The following PPARG variants were observed in gnomAD, a reference collection of about 807,000 sequenced individuals.
The protein encoded by PPARG is peroxisome proliferator-activated receptor gamma.
A neutral mutation model predicts 39.2 loss-of-function variants in PPARG; 17 were observed. The ratio of observed to expected loss-of-function variants is 0.43; its 90% CI spans 0.30 to 0.65. PPARG has a LOEUF of 0.65. PPARG is among the 30% of genes least tolerant of loss of function. The pLI, the probability that PPARG is intolerant of heterozygous loss-of-function variation, is 0.13. For missense variants in PPARG, 406 were observed against 585.9 expected, an observed-to-expected ratio of 0.69 and a Z score of 3.17; for synonymous variants, 223 against 215.7, an observed-to-expected ratio of 1.03 and a Z score of -0.30.
chr3:12,291,514 G>C (rs1415972594), intron 1 of PPARG, among the ~76,000 whole-genome samples: 1 of 152,074 alleles, frequency 6.6e-6, no homozygotes, highest in Non-Finnish European at 1.5e-5. Context: ...GGTAGATTGG[G>C]GGAGTAATAT....
At position 12,381,380 on chromosome 3, in the gene PPARG, C is replaced by G. The variant is rs1028136694; in HGVS notation, c.279C>G (p.Tyr93Ter). ...PPYYSEKTQL[Y>*]NKPHEEPSNS... ...ATTATTCTGAGAAGACTCAGCTCTA[C>G]AATAAGCCTCATGAAGAGCCTTCCA... The change falls in exon 4 of 8, where the codon TAC becomes TAG. Residue 93 changes from tyrosine to a stop codon, truncating the protein, a stop_gained. Coordinates refer to ENST00000651735, the MANE Select transcript of PPARG (RefSeq NM_138711.6). LOFTEE classifies it high-confidence loss of function. 6.2e-7 allele frequency: 1 copy of G among 1,613,394 alleles called. No homozygotes were observed. Among genetic ancestry groups the G allele is most frequent in the Non-Finnish European group, 8.5e-7 (1 of 1,179,694 alleles).
chr3:12,390,285 TACTC>T (rs1342752197), intron 4 of PPARG, among the ~76,000 whole-genome samples: 2 of 152,186 alleles, frequency 1.3e-5, no homozygotes, highest in African/African-American at 4.8e-5. Flanking sequence ...AAAATTTTAA[TACTC>T]ACACATTGTA....
chr3:12,390,636 C>CTTTTTTTTT (rs1382187854), intron 4 of PPARG, among the ~76,000 whole-genome samples: 1 of 69,186 alleles, frequency 1.4e-5, no homozygotes, highest in Non-Finnish European at 2.6e-5. Flanking sequence ...GTATTTTCTT[C>CTTTTTTTTT]CTTTTTTTTT....
At chr3:12,414,813 G>A (rs2051003123) in intron 6 of PPARG, among the ~76,000 whole-genome samples, 2 of 152,108 alleles carry the variant, frequency 1.3e-5, no homozygotes, top group African/African-American at 2.4e-5. Flanking sequence ...AACCTGTTTG[G>A]GGGTCCTCAC....
At position 12,406,014 on chromosome 3, in the gene PPARG, T is replaced by C. The variant is rs1559527858; in HGVS notation, c.662T>C (p.Ile221Thr). Residue 221 changes from isoleucine to threonine, a missense_variant, in exon 6 of 8, where the codon ATA becomes ACA. Transcript: ENST00000651735. ...GCAAAACATTTGTATGACTCATACA[T>C]AAAGTCCTTCCCGCTGACCAAAGCA... ...ALAKHLYDSY[I>T]KSFPLTKAKA... 1 of 1,614,060 alleles carries C rather than the reference T, an allele frequency of 6.2e-7. No homozygotes were observed. Among genetic ancestry groups the C allele is most frequent in the Non-Finnish European group, 8.5e-7 (1 of 1,180,024 alleles).
At chr3:12,311,215 T>C (rs1352310697) in intron 1 of PPARG, among the ~76,000 whole-genome samples, 3 of 152,160 alleles carry the variant, frequency 2.0e-5, no homozygotes, top group African/African-American at 7.2e-5. Flanking sequence ...GAGTTCCTCC[T>C]GCCTCAGCCT....
chr3:12,309,824 T>A (rs1216348483), intron 1 of PPARG, among the ~76,000 whole-genome samples: 3 of 152,116 alleles, frequency 2.0e-5, no homozygotes, highest in Non-Finnish European at 2.9e-5. Flanking sequence ...CCATCCCAGA[T>A]GTAAAATCAT....
At chr3:12,395,233 G>A (rs760324579) in intron 5 of PPARG, among the ~76,000 whole-genome samples, 2 of 152,150 alleles carry the variant, frequency 1.3e-5, no homozygotes, top group Non-Finnish European at 2.9e-5. Context: ...CAGCTATTCC[G>A]TGTCTTACAG....
intron 2 of PPARG, among the ~76,000 whole-genome samples, chr3:12,344,160 C>CA (rs1385658934): frequency 6.6e-6 from 1 of 152,124 alleles, no homozygotes; most frequent in Admixed American, 6.5e-5. Flanking sequence ...CACGCCCAGC[C>CA]AATCTCACAG....
intron 7 of PPARG, 74 bp downstream of exon 7, chr3:12,417,228 C>T: frequency 6.9e-7 from 1 of 1,451,666 alleles, no homozygotes; most frequent in Non-Finnish European, 9.5e-7. Context: ...TTTTGGATTT[C>T]CTTAGTGTTA....
intron 2 of PPARG, among the ~76,000 whole-genome samples, chr3:12,336,502 T>A (rs903829802): frequency 1.3e-5 from 2 of 152,196 alleles, no homozygotes; most frequent in African/African-American, 2.4e-5. Flanking sequence ...TTTACATTAT[T>A]CTTGATAACT....
At chr3:12,372,218 T>C in intron 2 of PPARG, 2 of 708,164 alleles carry the variant, frequency 2.8e-6, no homozygotes, top group South Asian at 1.5e-5. Context: ...TGGCACATTA[T>C]AGGTATTCAT....
intron 2 of PPARG, among the ~76,000 whole-genome samples, chr3:12,368,325 G>C (rs1389930686): frequency 6.6e-6 from 1 of 151,880 alleles, no homozygotes; most frequent in Non-Finnish European, 1.5e-5. Flanking sequence ...GGGACTACAG[G>C]CCTGCGCCAC....
upstream of PPARG, chr3:12,287,828 AC>A (rs2046542431): frequency 5.8e-5 from 1 of 17,102 alleles, no homozygotes; most frequent in Non-Finnish European, 1.4e-4. Context: ...CCCCACCCCC[AC>A]CCCCACCCCC....
chr3:12,288,340 C>T (rs1048873553), upstream of PPARG, among the ~76,000 whole-genome samples: 2 of 151,670 alleles, frequency 1.3e-5, no homozygotes, highest in African/African-American at 4.8e-5. Flanking sequence ...GCACTAGGGG[C>T]GGAGGGCGCG....
chr3:12,293,672 A>C (rs780358027), intron 1 of PPARG, among the ~76,000 whole-genome samples: 1 of 152,326 alleles, frequency 6.6e-6, no homozygotes, highest in Middle Eastern at 3.4e-3. Flanking sequence ...ATTGTAGGAC[A>C]TCTCAGTTTG....
intron 2 of PPARG, among the ~76,000 whole-genome samples, chr3:12,318,925 T>C (rs373581882): frequency 6.6e-6 from 1 of 152,146 alleles, no homozygotes; most frequent in African/African-American, 2.4e-5. Flanking sequence ...TGAAATAATT[T>C]AAATTATTAA....
rs185912312 is a variant in PPARG, at chr3:12,332,977, G to T, written c.-9+20524G>T. On this transcript the variant is annotated intron_variant, in intron 2 of 7. Transcript: ENST00000651735. ...GCCCGGGAGGTCCAGGCTCCAGTGA[G>T]CCATGTTCACACCACTGCACTCCAA... Among the ~76,000 whole-genome samples, 424 of 152,264 alleles carry T rather than the reference G, an allele frequency of 2.8e-3. 2 individuals carry two copies. Among genetic ancestry groups the T allele is most frequent in the African/African-American group, 9.4e-3 (392 of 41,550 alleles).
At chr3:12,324,152 A>AC (rs1391007647) in intron 2 of PPARG, among the ~76,000 whole-genome samples, 16 of 152,050 alleles carry the variant, frequency 1.1e-4, no homozygotes, top group African/African-American at 3.9e-4. Flanking sequence ...GTTGGCACTC[A>AC]CCTGTAATCC....
Sources: allele counts gnomAD v4.1 joint callset (sites outside exome capture counted in the v4.1 genomes callset), GRCh38; gene constraint gnomAD v4.1.1; transcripts MANE v1.5; gene names NCBI Gene and HGNC (gene_info 2026-07-23, HGNC 2026-07-21).